The following CNST variants were observed in gnomAD, a reference collection of about 807,000 sequenced individuals.
CNST encodes consortin, connexin sorting protein.
Under a neutral mutation model 72.4 loss-of-function variants are expected in CNST, and 39 were observed. The observed-to-expected ratio is 0.54, with a 90% confidence interval of 0.42 to 0.70. The LOEUF is 0.70. Among genes scored for constraint, CNST ranks in the 30% least tolerant of loss-of-function variants. CNST has a pLI of 0.00. For missense variants in CNST, 871 were observed against 868.5 expected, an observed-to-expected ratio of 1.00 and a Z score of -0.04; for synonymous variants, 332 against 320.1, an observed-to-expected ratio of 1.04 and a Z score of -0.40.
At chr1:246,587,421 A>G (rs1661265760) in intron 1 of CNST, among the ~76,000 whole-genome samples, 1 of 152,248 alleles carries the variant, frequency 6.6e-6, no homozygotes, top group South Asian at 2.1e-4. Flanking sequence ...AGTATAAGAC[A>G]GTTTCCATGA....
At chr1:246,589,165 G>A (rs1661379389) in intron 1 of CNST, among the ~76,000 whole-genome samples, 1 of 151,872 alleles carries the variant, frequency 6.6e-6, no homozygotes, top group Non-Finnish European at 1.5e-5. Flanking sequence ...TGCACAATGT[G>A]CAGGTTTGTT....
At chr1:246,646,361 C>T (rs1388341572) in intron 8 of CNST, among the ~76,000 whole-genome samples, 1 of 151,620 alleles carries the variant, frequency 6.6e-6, no homozygotes, top group East Asian at 1.9e-4. Flanking sequence ...TGAAGAGAAC[C>T]GAGTTTGTTC....
In CNST at chr1:246,648,319, T is replaced by C. The variant is rs1425798234; in HGVS notation, c.1836+282T>C. On this transcript the variant is annotated intron_variant, in intron 9 of 10. Transcript: ENST00000366513. ...CCATTTTTTATAGTCCTGACTGTTATGTGGCAGTTCCAGATATTGGAATCA... is the reference window on the plus strand; with the variant it reads ...CCATTTTTTATAGTCCTGACTGTTACGTGGCAGTTCCAGATATTGGAATCA... 6.1e-6 allele frequency: 5 copies of C among 814,310 alleles called. No homozygotes were observed. The African/African-American group carries it at 7.3e-5, about 12-fold the overall frequency. 50.4% of individuals were successfully genotyped at this position (814,310 alleles called of 1,614,324 possible). A position where few individuals can be genotyped will look rare whatever the true frequency, so the allele number is the denominator to read the frequency against.
intron 2 of CNST, among the ~76,000 whole-genome samples, chr1:246,611,897 A>C (rs1663340002): frequency 6.6e-6 from 1 of 152,232 alleles, no homozygotes; most frequent in African/African-American, 2.4e-5. Flanking sequence ...GTTCAGATTT[A>C]AAAAGGAATG....
At chr1:246,598,087 TTC>T (rs1253624084) in intron 2 of CNST, among the ~76,000 whole-genome samples, 9 of 152,008 alleles carry the variant, frequency 5.9e-5, no homozygotes, top group African/African-American at 2.2e-4. Flanking sequence ...GCTCAGGTGA[TTC>T]TCTCACCTCA....
chr1:246,636,335 G>A (rs562947880), intron 6 of CNST, among the ~76,000 whole-genome samples: 1 of 152,184 alleles, frequency 6.6e-6, no homozygotes, highest in South Asian at 2.1e-4. Flanking sequence ...GTCGACGGGC[G>A]TTCCTGAGAA....
intron 3 of CNST, 99 bp from the exon 4 acceptor site, chr1:246,631,795 C>A: frequency 1.2e-6 from 1 of 825,890 alleles, no homozygotes; most frequent in East Asian, 2.5e-5. Context: ...AATTTGATAT[C>A]AAAAACATTT....
At chr1:246,652,774 G>A (rs922306835) in intron 9 of CNST, among the ~76,000 whole-genome samples, 3 of 151,706 alleles carry the variant, frequency 2.0e-5, no homozygotes, top group African/African-American at 7.3e-5. Flanking sequence ...GGAGGCCAAG[G>A]CGGGCGGATC....
At chr1:246,613,958 T>G (rs1191489939) in intron 2 of CNST, among the ~76,000 whole-genome samples, 1 of 151,864 alleles carries the variant, frequency 6.6e-6, no homozygotes, top group Non-Finnish European at 1.5e-5. Flanking sequence ...CCTCCCAAAG[T>G]GCTGAGCTTA....
chr1:246,616,394 C>CA (rs1348213922), intron 2 of CNST, among the ~76,000 whole-genome samples: 1 of 151,990 alleles, frequency 6.6e-6, no homozygotes, highest in Non-Finnish European at 1.5e-5. Context: ...ACTGCCCCCC[C>CA]AGAAAATTTA....
At chr1:246,632,326 C>G in intron 4 of CNST, 1 of 289,466 alleles carries the variant, frequency 3.5e-6, no homozygotes, top group Non-Finnish European at 6.7e-6. Context: ...ACTTGGGACC[C>G]GGGACATTGC....
intron 6 of CNST, among the ~76,000 whole-genome samples, chr1:246,636,451 T>C (rs1665249330): frequency 2.0e-5 from 3 of 152,110 alleles, no homozygotes; most frequent in African/African-American, 7.2e-5. Context: ...TACCCAGCAA[T>C]TGGACACATT....
In CNST at chr1:246,659,438, C is replaced by G. The variant is rs183979361; in HGVS notation, c.1837-761C>G. Among the ~76,000 whole-genome samples, 180 of 152,152 alleles carry G rather than the reference C, an allele frequency of 1.2e-3. 4 individuals are homozygous for G. In the East Asian group the frequency reaches 0.03, roughly 26 times the overall value. On this transcript the variant is annotated intron_variant, in intron 9 of 10. Coordinates refer to ENST00000366513, the MANE Select transcript of CNST (RefSeq NM_152609.3). ...TGAAACCCCGTCTCTACTGAAAATA[C>G]AAAAAAATTAGCCGAGCATGGTGGC...
chr1:246,570,086 G>C lies in CNST; in HGVS notation c.-52+3423G>C, dbSNP rs999356314. 10 of 180,796 alleles carry C rather than the reference G, an allele frequency of 5.5e-5. No homozygotes were observed. In the Admixed American group the frequency reaches 5.9e-4, roughly 11 times the overall value. 11.2% of individuals were successfully genotyped at this position (180,796 alleles called of 1,614,324 possible). On this transcript the variant is annotated intron_variant, in intron 1 of 10. Coordinates refer to ENST00000366513, the MANE Select transcript of CNST (RefSeq NM_152609.3). ...TTTGAGCAAAATTTAGAAAGGAAGAGAGTAGGTTTTATGGCTGTAGAATGC... is the reference window on the plus strand; with the variant it reads ...TTTGAGCAAAATTTAGAAAGGAAGACAGTAGGTTTTATGGCTGTAGAATGC...
chr1:246,575,336 T>C lies in CNST; in HGVS notation c.-52+8673T>C, dbSNP rs1024795398. Among the ~76,000 whole-genome samples, 13 of 152,288 alleles carry C rather than the reference T, an allele frequency of 8.5e-5. 2 individuals are homozygous for C. Among genetic ancestry groups the C allele is most frequent in the African/African-American group, 2.9e-4 (12 of 41,566 alleles). ...GCCCAAATGTCCATCAACTGATGAA[T>C]AGATAAATAAAAGGTGGTATATCTG... On this transcript the variant is annotated intron_variant, in intron 1 of 10. Transcript: ENST00000366513.
chr1:246,619,552 G>A (rs370725845), intron 2 of CNST, among the ~76,000 whole-genome samples: 26 of 152,254 alleles, frequency 1.7e-4, no homozygotes, highest in South Asian at 8.3e-4. Flanking sequence ...GCAACCTAGC[G>A]TCATACGAGG....
intron 8 of CNST, among the ~76,000 whole-genome samples, chr1:246,646,045 C>T (rs1050881214): frequency 2.6e-4 from 39 of 151,838 alleles, no homozygotes; most frequent in Middle Eastern, 3.4e-3. Context: ...TTTGGGAGGC[C>T]GAGGCGGGCA....
chr1:246,608,720 C>A (rs1446785846), intron 2 of CNST, among the ~76,000 whole-genome samples: 1 of 152,174 alleles, frequency 6.6e-6, no homozygotes, highest in East Asian at 1.9e-4. Flanking sequence ...CCTAAGGGAG[C>A]TCTTGTTCCC....
chr1:246,610,394 T>C (rs1285659994), intron 2 of CNST, among the ~76,000 whole-genome samples: 1 of 152,248 alleles, frequency 6.6e-6, no homozygotes, highest in African/African-American at 2.4e-5. Flanking sequence ...TAGTTCTTCA[T>C]CTATGGTTTC....
Sources: gnomAD v4.1 joint callset for allele counts (sites outside exome capture counted in the v4.1 genomes callset) on GRCh38, gnomAD v4.1.1 for gene constraint, MANE v1.5 for transcripts, NCBI Gene and HGNC (gene_info 2026-07-23, HGNC 2026-07-21) for gene names.